The following RFX3 variants were observed in gnomAD, a reference collection of about 807,000 sequenced individuals.
RFX3 encodes regulatory factor X3.
RFX3 carries 14 observed loss-of-function variants against 98.6 expected under a neutral mutation model. That is an observed-to-expected ratio of 0.14 (90% CI 0.09 to 0.22). The LOEUF (loss-of-function observed/expected upper bound fraction) is 0.22, where lower values mean the gene tolerates loss of function less well. Ranked by LOEUF, RFX3 falls within the 10% of genes least tolerant of loss-of-function variation. RFX3 has a pLI of 1.00. For synonymous variants in RFX3, 383 were observed against 328.4 expected (o/e 1.17, Z -1.80); for missense variants, 639 against 926.9 (o/e 0.69, Z 4.03).
intron 14 of RFX3, among the ~76,000 whole-genome samples, chr9:3,249,172 T>C: frequency 6.6e-6 from 1 of 152,198 alleles, no homozygotes; most frequent in Admixed American, 6.5e-5. Context: ...TGCCTCGTTT[T>C]ACAGTAAAGA....
At chr9:3,420,887 A>G in intron 1 of RFX3, 9 of 985,006 alleles carry the variant, frequency 9.1e-6, no homozygotes, top group Non-Finnish European at 9.6e-6. Context: ...AACCAAAGAT[A>G]TCCTTGGGTC....
intron 11 of RFX3, among the ~76,000 whole-genome samples, chr9:3,269,547 T>A (rs992966600): frequency 2.0e-5 from 3 of 152,158 alleles, no homozygotes; most frequent in Non-Finnish European, 4.4e-5. Flanking sequence ...CATATAGATA[T>A]AGGCATAAAA....
intron 1 of RFX3, among the ~76,000 whole-genome samples, chr9:3,413,436 A>T (rs577054432): frequency 6.6e-6 from 1 of 152,222 alleles, no homozygotes; most frequent in African/African-American, 2.4e-5. Context: ...ATAGCTTATG[A>T]TTTGTTTAAG....
At chr9:3,504,971 T>A (rs1198231609) in intron 1 of RFX3, among the ~76,000 whole-genome samples, 1 of 79,874 alleles carries the variant, frequency 1.3e-5, no homozygotes, top group Non-Finnish European at 2.1e-5. Context: ...ATATAATATA[T>A]ATTATATAAT....
chr9:3,289,071 T>C (rs796428432), intron 6 of RFX3, among the ~76,000 whole-genome samples: 27 of 152,234 alleles, frequency 1.8e-4, no homozygotes, highest in African/African-American at 5.5e-4. Context: ...TCTTGCAAAA[T>C]ATCATTTTAA....
chr9:3,275,584 T>G lies in RFX3; in HGVS notation c.1002A>C (p.Gly334=), dbSNP rs1489348072. The part of the protein sequence containing the change: ...LDASRALPEF[G]EVEISSLPDG... ...CTGGCAGAGAAGAGATTTCAACTTC[T>G]CCAAACTCTGGAAGTGCTCGAGATG... Residue 334 remains glycine (G), a synonymous_variant, in exon 9 of 17, where the codon GGA becomes GGC. Coordinates refer to ENST00000617270, the MANE Select transcript of RFX3 (RefSeq NM_001282116.2). 4 of 1,611,968 alleles carry G rather than the reference T, an allele frequency of 2.5e-6. No individual in the cohort carries two copies. In the East Asian group the frequency reaches 6.7e-5, roughly 27 times the overall value.
intron 1 of RFX3, among the ~76,000 whole-genome samples, chr9:3,441,470 A>C (rs1845605275): frequency 6.6e-6 from 1 of 152,166 alleles, no homozygotes; most frequent in Non-Finnish European, 1.5e-5. Flanking sequence ...TAAAAACAAG[A>C]ACCAAGACTC....
intron 2 of RFX3, among the ~76,000 whole-genome samples, chr9:3,378,262 G>A (rs561694357): frequency 2.1e-3 from 317 of 152,150 alleles, no homozygotes; most frequent in Non-Finnish European, 3.6e-3. Context: ...CCCTTTTCTT[G>A]TTTCTGCCTG....
intron 14 of RFX3, among the ~76,000 whole-genome samples, chr9:3,249,913 T>C (rs540859): frequency 0.79 from 119,397 of 151,782 alleles, 48,600 homozygotes; most frequent in Non-Finnish European, 0.89. Flanking sequence ...TTGACTACTT[T>C]AACGAATTCC....
At chr9:3,396,090 C>T (rs912869827) in intron 1 of RFX3, among the ~76,000 whole-genome samples, 2 of 151,238 alleles carry the variant, frequency 1.3e-5, no homozygotes, top group African/African-American at 4.9e-5. Flanking sequence ...GCACAATGTG[C>T]AGGTTAGTTA....
intron 16 of RFX3, among the ~76,000 whole-genome samples, chr9:3,225,983 C>T (rs1817716414): frequency 2.0e-5 from 3 of 152,070 alleles, no homozygotes; most frequent in East Asian, 3.9e-4. Flanking sequence ...CACTGTTACC[C>T]CCAAATTGTA....
intron 4 of RFX3, among the ~76,000 whole-genome samples, chr9:3,313,971 T>A (rs1411444683): frequency 6.6e-6 from 1 of 152,094 alleles, no homozygotes; most frequent in Non-Finnish European, 1.5e-5. Flanking sequence ...CAGGAGAACT[T>A]CCCCAATTGA....
intron 1 of RFX3, among the ~76,000 whole-genome samples, chr9:3,427,782 C>G (rs925632580): frequency 9.9e-5 from 15 of 152,068 alleles, no homozygotes; most frequent in Admixed American, 1.3e-4. Context: ...GGTAAGCCCA[C>G]AGTTTGACTT....
At chr9:3,425,589 C>T (rs879945402) in intron 1 of RFX3, among the ~76,000 whole-genome samples, 6 of 152,130 alleles carry the variant, frequency 3.9e-5, no homozygotes, top group Admixed American at 1.3e-4. Flanking sequence ...CCTGAAATAA[C>T]GATTAGATAT....
At chr9:3,485,950 C>G (rs1048928246) in intron 1 of RFX3, among the ~76,000 whole-genome samples, 1 of 151,670 alleles carries the variant, frequency 6.6e-6, no homozygotes, top group Non-Finnish European at 1.5e-5. Context: ...CGTGGAGAAA[C>G]CCTGTCTCCA....
chr9:3,514,709 A>G (rs1817984053), intron 1 of RFX3, among the ~76,000 whole-genome samples: 1 of 152,164 alleles, frequency 6.6e-6, no homozygotes, highest in African/African-American at 2.4e-5. Context: ...TCAGCCTCCC[A>G]ATGTGCTGGG....
intron 1 of RFX3, chr9:3,469,283 T>C (rs899022850): frequency 5.7e-6 from 2 of 351,956 alleles, no homozygotes; most frequent in African/African-American, 2.1e-5. Flanking sequence ...TACTATTTCA[T>C]ATACATTATT....
chr9:3,365,068 G>A (rs570250331), intron 2 of RFX3, among the ~76,000 whole-genome samples: 143 of 152,206 alleles, frequency 9.4e-4, no homozygotes, highest in African/African-American at 3.3e-3. Flanking sequence ...TCGGGAGGCC[G>A]GGACAGGTGG....
chr9:3,297,906 T>C (rs574632150), intron 5 of RFX3, among the ~76,000 whole-genome samples: 1 of 152,024 alleles, frequency 6.6e-6, no homozygotes, highest in Admixed American at 6.6e-5. Context: ...ATTTACAATG[T>C]AAAATAAGTA....
Sources: gnomAD v4.1 joint callset for allele counts (sites outside exome capture counted in the v4.1 genomes callset) on GRCh38, gnomAD v4.1.1 for gene constraint, MANE v1.5 for transcripts, NCBI Gene and HGNC (gene_info 2026-07-23, HGNC 2026-07-21) for gene names.